The following SLC25A28 variants were observed in gnomAD, a reference collection of about 807,000 sequenced individuals.
SLC25A28 encodes the protein mitoferrin-2.
Under a neutral mutation model 31.9 loss-of-function variants are expected in SLC25A28, and 10 were observed. The ratio of observed to expected loss-of-function variants is 0.31; its 90% CI spans 0.19 to 0.53. SLC25A28 has a LOEUF of 0.53. SLC25A28 is among the 20% of genes least tolerant of loss of function. The pLI, the probability that SLC25A28 is intolerant of heterozygous loss-of-function variation, is 0.95. For synonymous variants in SLC25A28, 208 were observed against 203.6 expected (o/e 1.02, Z -0.19); for missense variants, 256 against 490.3 (o/e 0.52, Z 4.51).
chr10:99,641,471 T>A, the SLC25A28 span, among the ~76,000 whole-genome samples: 1 of 152,214 alleles, frequency 6.6e-6, no homozygotes, highest in African/African-American at 2.4e-5. Flanking sequence ...ATATTAGCCC[T>A]TTGTCAGATG....
chr10:99,638,299 G>T, the SLC25A28 span, among the ~76,000 whole-genome samples: 1 of 152,154 alleles, frequency 6.6e-6, no homozygotes, highest in South Asian at 2.1e-4. Context: ...ACTCAACATG[G>T]ATTAAGAATT....
At chr10:99,636,269 T>C in the SLC25A28 span, among the ~76,000 whole-genome samples, 1 of 152,098 alleles carries the variant, frequency 6.6e-6, no homozygotes, top group Non-Finnish European at 1.5e-5. Context: ...ATTATATCAA[T>C]CACTCTCTCA....
At position 99,611,476 on chromosome 10, in the gene SLC25A28, G is replaced by GA. The variant is rs2034523141; in HGVS notation, c.578-111dup. 2 of 1,380,292 alleles carry GA rather than the reference G, an allele frequency of 1.4e-6. No homozygotes were observed. The highest frequency in any genetic ancestry group is 2.0e-6 in the Non-Finnish European group (2 of 1,017,466). The allele number at this position is 1,380,292 out of a possible 1,614,324, so 85.5% of individuals were successfully genotyped here. ...CAGATCAGCCAATGGAATAGAGAGAGAAAAAAGTATGAGTGAGCTGCTGGC... is the reference window on the plus strand; with the variant it reads ...CAGATCAGCCAATGGAATAGAGAGAGAAAAAAAGTATGAGTGAGCTGCTGGC... On this transcript the variant is annotated intron_variant, in intron 3 of 3. Coordinates refer to ENST00000370495, the MANE Select transcript of SLC25A28 (RefSeq NM_031212.4). The surrounding 1 kb of genome is among the most constrained non-coding windows in gnomAD (Gnocchi z 5.5).
the SLC25A28 span, among the ~76,000 whole-genome samples, chr10:99,644,142 A>G: frequency 6.9e-6 from 1 of 145,854 alleles, no homozygotes; most frequent in Admixed American, 6.9e-5. Context: ...TGTCTCGTTG[A>G]TCTGTCTAAT....
the SLC25A28 span, among the ~76,000 whole-genome samples, chr10:99,652,439 T>G: frequency 6.6e-6 from 1 of 152,146 alleles, no homozygotes; most frequent in Admixed American, 6.5e-5. Context: ...ATGCCCCTTT[T>G]TTTTTGTCCC....
At chr10:99,640,849 A>T in the SLC25A28 span, among the ~76,000 whole-genome samples, 1 of 152,060 alleles carries the variant, frequency 6.6e-6, no homozygotes, top group Non-Finnish European at 1.5e-5. Context: ...GTTTGCTCAG[A>T]ATGATAGTTT....
At chr10:99,623,553 A>AT (rs1387026378), upstream of SLC25A28, among the ~76,000 whole-genome samples, 2 of 152,248 alleles carry the variant, frequency 1.3e-5, no homozygotes, top group South Asian at 2.1e-4. Flanking sequence ...TTACATCTGT[A>AT]TTGTCATAAC....
chr10:99,638,041 A>C, the SLC25A28 span, among the ~76,000 whole-genome samples: 221 of 152,332 alleles, frequency 1.5e-3, 2 homozygotes, highest in African/African-American at 4.9e-3. Flanking sequence ...ACCTGATTTC[A>C]AACTATATTA....
chr10:99,617,871 G>A (rs992752506), intron 1 of SLC25A28: 36 of 742,002 alleles, frequency 4.9e-5, no homozygotes, highest in Non-Finnish European at 5.1e-5. Flanking sequence ...AGTAAGAACT[G>A]TTCTTCAAAA....
intron 1 of SLC25A28, chr10:99,616,982 C>T (rs12355655): frequency 0.28 from 277,845 of 983,316 alleles, 40,039 homozygotes; most frequent in Non-Finnish European, 0.3. Flanking sequence ...CTAATGTTTC[C>T]ATTTCCTAAT....
chr10:99,639,930 G>A, the SLC25A28 span, among the ~76,000 whole-genome samples: 1 of 151,850 alleles, frequency 6.6e-6, no homozygotes, highest in East Asian at 1.9e-4. Flanking sequence ...GTATGTTAAG[G>A]GACTGAGAAG....
At chr10:99,646,089 T>A in the SLC25A28 span, among the ~76,000 whole-genome samples, 1 of 152,204 alleles carries the variant, frequency 6.6e-6, no homozygotes. Context: ...TCTTCAAATC[T>A]GTCAGACAGG....
chr10:99,655,549 C>T, the SLC25A28 span, among the ~76,000 whole-genome samples: 33 of 152,250 alleles, frequency 2.2e-4, no homozygotes, highest in Admixed American at 2.2e-3. Flanking sequence ...AGCTGCATGC[C>T]ACCACGCCCA....
At chr10:99,616,917 C>T (rs2034669546) in intron 1 of SLC25A28, 2 of 971,166 alleles carry the variant, frequency 2.1e-6, no homozygotes, top group South Asian at 4.8e-5. Context: ...TCAGATAGTG[C>T]TTGGCACACA....
upstream of SLC25A28, among the ~76,000 whole-genome samples, chr10:99,622,490 A>G (rs868206585): frequency 1.8e-4 from 27 of 152,326 alleles, no homozygotes; most frequent in Middle Eastern, 3.4e-3. Context: ...CTAATGACCT[A>G]TCCACCTCTA....
chr10:99,638,464 T>C, the SLC25A28 span, among the ~76,000 whole-genome samples: 16 of 152,082 alleles, frequency 1.1e-4, no homozygotes, highest in African/African-American at 3.6e-4. Context: ...CTGAAGAGCT[T>C]TTGCACAGCA....
At chr10:99,652,092 T>G in the SLC25A28 span, 1 of 152,262 alleles carries the variant, frequency 6.6e-6, no homozygotes, top group East Asian at 1.9e-4. Flanking sequence ...AGATTTTTTT[T>G]GTCACTGTCA....
intron 1 of SLC25A28, chr10:99,615,590 C>G (rs555425420): frequency 1.8e-5 from 18 of 985,290 alleles, no homozygotes; most frequent in Non-Finnish European, 2.0e-5. Context: ...CACAGTATCA[C>G]TTATCACAAT....
rs2034501813 is a variant in SLC25A28 at position 99,610,777 on chromosome 10, A to G, written c.*72T>C. The G allele has an allele frequency of 6.5e-7, 1 of 1,539,042 alleles. No individual in the cohort carries two copies. The highest frequency in any genetic ancestry group is 2.3e-5 in the East Asian group (1 of 44,244). ...TTCTAACTCCACTTGAGGTGGGAGC[A>G]TTCCAGGAGACAGAGAATGTGACCA... is the stretch of plus-strand genomic sequence containing the variant. On this transcript the variant is annotated 3_prime_UTR_variant, in exon 4 of 4. Transcript: ENST00000370495.
Sources: allele counts gnomAD v4.1 joint callset (sites outside exome capture counted in the v4.1 genomes callset), GRCh38; gene constraint gnomAD v4.1.1; non-coding constraint Gnocchi (gnomAD v3.1); transcripts MANE v1.5; gene names NCBI Gene and HGNC (gene_info 2026-07-23, HGNC 2026-07-21).